The following NEMP2 variants were observed in gnomAD, a reference collection of about 807,000 sequenced individuals.
The protein encoded by NEMP2 is nuclear envelope integral membrane protein 2, also known as UPF0571 transmembrane protein.
NEMP2 carries 53 observed loss-of-function variants against 54.2 expected under a neutral mutation model. That is an observed-to-expected ratio of 0.98 (90% CI 0.78 to 1.23). The LOEUF is 1.23. Ranked by LOEUF, NEMP2 falls within the 50% of genes most tolerant of loss-of-function variation. NEMP2 has a pLI of 0.00. For missense variants in NEMP2, 455 were observed against 511.3 expected (o/e 0.89, Z 1.06); for synonymous variants, 197 against 190.3 (o/e 1.04, Z -0.29).
rs1345523424 is a variant in NEMP2, at chr2:190,514,436, A to G, written c.953+17T>C. ...CTCAAAATGTCAAATTTGCTGGGGG[A>G]AAAAAATGATACATACCACCTCATA... is the stretch of plus-strand genomic sequence containing the variant. On this transcript the variant is annotated intron_variant, in intron 7 of 8. Transcript: ENST00000409150. This position sits in a 1 kb window ranked among gnomAD's most constrained non-coding sequence, Gnocchi z 5.7. 11 of 1,536,996 alleles carry G rather than the reference A, an allele frequency of 7.2e-6. No homozygotes were observed. In the East Asian group the frequency reaches 9.9e-5, roughly 14 times the overall value.
chr2:190,538,469 C>T (rs1691447370), upstream of NEMP2, among the ~76,000 whole-genome samples: 1 of 151,756 alleles, frequency 6.6e-6, no homozygotes, highest in South Asian at 2.1e-4. This position sits in a 1 kb window ranked among gnomAD's most constrained non-coding sequence, Gnocchi z 4.1. Context: ...TACTAATTTC[C>T]TTTCTTTTGG....
chr2:190,450,969 G>A, the NEMP2 span, among the ~76,000 whole-genome samples: 9 of 152,206 alleles, frequency 5.9e-5, no homozygotes, highest in African/African-American at 2.2e-4. Flanking sequence ...GTGTTGGCCA[G>A]TGGTCCTTGG....
rs772889294 is a variant in NEMP2, at chr2:190,525,484, G to A, written c.98-106C>T. 1.0e-5 allele frequency: 6 copies of A among 599,370 alleles called. No individual in the cohort carries two copies. Among genetic ancestry groups the A allele is most frequent in the Non-Finnish European group, 1.8e-5 (6 of 338,076 alleles). 37.1% of individuals were successfully genotyped at this position (599,370 alleles called of 1,614,324 possible). ...ACAGTAGCAGTTTTAACGTTCTATG[G>A]CCAATAAATTCTCCTATATGATAAT... is the stretch of plus-strand genomic sequence containing the variant. On this transcript the variant is annotated intron_variant, in intron 1 of 8. Transcript: ENST00000409150. This position sits in a 1 kb window ranked among gnomAD's most constrained non-coding sequence, Gnocchi z 5.0.
the NEMP2 span, among the ~76,000 whole-genome samples, chr2:190,451,433 C>T: frequency 1.3e-5 from 2 of 152,170 alleles, no homozygotes; most frequent in East Asian, 1.9e-4. This position sits in a 1 kb window ranked among gnomAD's most constrained non-coding sequence, Gnocchi z 5.0. Context: ...GTGACAGGCA[C>T]TGTGCTATAA....
chr2:190,635,088 T>C, the NEMP2 span, among the ~76,000 whole-genome samples: 6 of 152,236 alleles, frequency 3.9e-5, no homozygotes, highest in African/African-American at 1.4e-4. The surrounding 1 kb of genome is among the most constrained non-coding windows in gnomAD (Gnocchi z 4.1). Flanking sequence ...TGTTCTGTGA[T>C]CCCTTGAATA....
At chr2:190,491,161 T>C in the NEMP2 span, among the ~76,000 whole-genome samples, 4 of 152,190 alleles carry the variant, frequency 2.6e-5, no homozygotes, top group African/African-American at 9.7e-5. This position sits in a 1 kb window ranked among gnomAD's most constrained non-coding sequence, Gnocchi z 4.2. Flanking sequence ...AAATAAGCAA[T>C]CAAATTTTAA....
At chr2:190,630,829 A>AC in the NEMP2 span, among the ~76,000 whole-genome samples, 38 of 152,110 alleles carry the variant, frequency 2.5e-4, no homozygotes, top group Admixed American at 1.5e-3. This position sits in a 1 kb window ranked among gnomAD's most constrained non-coding sequence, Gnocchi z 5.5. Context: ...GAATTTTCTA[A>AC]TTTAACTTCA....
Position 190,518,777 on chromosome 2 carries a change from C to T in NEMP2, c.477G>A (p.Val159=). ...CATAAAAGAAAAGAAAAACTCCTGC[C>T]ACAAACACAAGGAAGAGTTTGAAAT... The part of the protein sequence containing the change: ...IMDFKLFLVF[V]AGVFLFFYAR... Residue 159 remains valine (V), a synonymous_variant, in exon 4 of 9, where the codon GTG becomes GTA. Coordinates refer to ENST00000409150, the MANE Select transcript of NEMP2 (RefSeq NM_001142645.2). 2 of 1,546,748 alleles carry T rather than the reference C, an allele frequency of 1.3e-6. No individual in the cohort carries two copies. Among genetic ancestry groups the T allele is most frequent in the Non-Finnish European group, 1.7e-6 (2 of 1,145,934 alleles).
the NEMP2 span, among the ~76,000 whole-genome samples, chr2:190,458,747 G>C: frequency 6.6e-6 from 1 of 152,216 alleles, no homozygotes; most frequent in South Asian, 2.1e-4. This position sits in a 1 kb window ranked among gnomAD's most constrained non-coding sequence, Gnocchi z 5.3. Flanking sequence ...TAAGTAAAAT[G>C]GGGACTGTAT....
chr2:190,515,835 T>A (rs1428286910), intron 6 of NEMP2, among the ~76,000 whole-genome samples: 1 of 152,212 alleles, frequency 6.6e-6, no homozygotes, highest in African/African-American at 2.4e-5. Context: ...AGCCTCTGTG[T>A]TTCTGAAAAG....
At chr2:190,441,793 C>G in the NEMP2 span, among the ~76,000 whole-genome samples, 1 of 152,120 alleles carries the variant, frequency 6.6e-6, no homozygotes. Flanking sequence ...GTGGGTGGCC[C>G]TGAGCTCCAA....
At chr2:190,517,480 T>C (rs1210922993) in intron 5 of NEMP2, 40 bp downstream of exon 5, 1 of 1,379,712 alleles carries the variant, frequency 7.2e-7, no homozygotes, top group Non-Finnish European at 1.0e-6. Flanking sequence ...TGTAAGATCA[T>C]GATTTCCATT....
the NEMP2 span, among the ~76,000 whole-genome samples, chr2:190,543,292 C>G: frequency 2.6e-5 from 4 of 152,214 alleles, no homozygotes; most frequent in Non-Finnish European, 5.9e-5. The surrounding 1 kb of genome is among the most constrained non-coding windows in gnomAD (Gnocchi z 4.7). Flanking sequence ...CAGTCACTCT[C>G]ATTTGATATC....
chr2:190,644,538 A>C, the NEMP2 span, among the ~76,000 whole-genome samples: 1 of 152,218 alleles, frequency 6.6e-6, no homozygotes, highest in African/African-American at 2.4e-5. The surrounding 1 kb of genome is among the most constrained non-coding windows in gnomAD (Gnocchi z 4.4). Flanking sequence ...CTCTTTCTCT[A>C]ATTTTTAAAC....
the NEMP2 span, among the ~76,000 whole-genome samples, chr2:190,441,500 G>A: frequency 6.6e-6 from 1 of 152,048 alleles, no homozygotes; most frequent in Admixed American, 6.6e-5. Context: ...TGGGGGGAAA[G>A]CAGGGCATTT....
At chr2:190,448,422 A>G in the NEMP2 span, among the ~76,000 whole-genome samples, 2 of 152,224 alleles carry the variant, frequency 1.3e-5, no homozygotes, top group African/African-American at 4.8e-5. Flanking sequence ...ATAGCCATCA[A>G]TTGAGGAATG....
At chr2:190,585,383 C>T in the NEMP2 span, among the ~76,000 whole-genome samples, 1 of 152,188 alleles carries the variant, frequency 6.6e-6, no homozygotes, top group Non-Finnish European at 1.5e-5. This position sits in a 1 kb window ranked among gnomAD's most constrained non-coding sequence, Gnocchi z 5.3. Flanking sequence ...TATGTTCTCA[C>T]TTTAGGGCTG....
At chr2:190,491,789 A>G in the NEMP2 span, among the ~76,000 whole-genome samples, 1 of 152,212 alleles carries the variant, frequency 6.6e-6, no homozygotes, top group East Asian at 1.9e-4. The surrounding 1 kb of genome is among the most constrained non-coding windows in gnomAD (Gnocchi z 4.2). Context: ...AGCACCAGCA[A>G]TAGATCCAAA....
the NEMP2 span, among the ~76,000 whole-genome samples, chr2:190,635,711 A>T: frequency 2.6e-5 from 4 of 152,328 alleles, no homozygotes; most frequent in East Asian, 7.7e-4. This position sits in a 1 kb window ranked among gnomAD's most constrained non-coding sequence, Gnocchi z 4.1. Context: ...TCTTGTATGT[A>T]TCTCCTTGGG....
Sources: gnomAD v4.1 joint callset for allele counts (sites outside exome capture counted in the v4.1 genomes callset) on GRCh38, gnomAD v4.1.1 for gene constraint, Gnocchi (gnomAD v3.1) non-coding constraint, MANE v1.5 for transcripts, NCBI Gene and HGNC (gene_info 2026-07-23, HGNC 2026-07-21) for gene names.